MAN1C1: variants seen among roughly 807,000 people sequenced by gnomAD.
MAN1C1 encodes the protein mannosidase alpha class 1C member 1.
A neutral mutation model predicts 71.5 loss-of-function variants in MAN1C1; 49 were observed. The ratio of observed to expected loss-of-function variants is 0.69; its 90% CI spans 0.54 to 0.87. The LOEUF is 0.87. MAN1C1 is among the 40% of genes least tolerant of loss of function. The pLI is 0.00. For synonymous variants in MAN1C1, 352 were observed against 343.7 expected (o/e 1.02, Z -0.27); for missense variants, 743 against 835.0 (o/e 0.89, Z 1.36).
rs1267705062 is a variant in MAN1C1 at position 25,746,495 on chromosome 1, G to A, written c.638-173G>A. ...AAGCAGCCCATGGCGGGGACTCTGG[G>A]TCTCGGCGTCACCTTCGATGGTGGC... is the stretch of plus-strand genomic sequence containing the variant. On this transcript the variant is annotated intron_variant, in intron 2 of 11. Coordinates refer to ENST00000374332, the MANE Select transcript of MAN1C1 (RefSeq NM_020379.4). The surrounding 1 kb of genome is among the most constrained non-coding windows in gnomAD (Gnocchi z 4.0). 6.6e-6 allele frequency among the ~76,000 whole-genome samples: 1 copy of A among 152,188 alleles called. No individual in the cohort carries two copies.
rs1170693936 is a variant in MAN1C1, at chr1:25,775,044, C to T, written c.1258-3061C>T. Among the ~76,000 whole-genome samples, 4 of 152,200 alleles carry T rather than the reference C, an allele frequency of 2.6e-5. No individual in the cohort carries two copies. Among genetic ancestry groups the T allele is most frequent in the Non-Finnish European group, 1.5e-5 (1 of 68,046 alleles). ...TGCAATTACTTAGCTTGGGGCCAAC[C>T]CCCAGTGGAAATAATGTGTGGGAGG... On this transcript the variant is annotated intron_variant, in intron 8 of 11. Coordinates refer to ENST00000374332, the MANE Select transcript of MAN1C1 (RefSeq NM_020379.4). The surrounding 1 kb of genome is among the most constrained non-coding windows in gnomAD (Gnocchi z 5.1).
intron 2 of MAN1C1, among the ~76,000 whole-genome samples, chr1:25,704,654 T>C (rs1370412778): frequency 6.6e-6 from 1 of 152,246 alleles, no homozygotes; most frequent in Non-Finnish European, 1.5e-5. Context: ...GCTTAGACTT[T>C]GCAGTTTTCC....
At chr1:25,713,661 A>T (rs370365880) in intron 2 of MAN1C1, among the ~76,000 whole-genome samples, 53 of 152,250 alleles carry the variant, frequency 3.5e-4, no homozygotes, top group African/African-American at 1.1e-3. Flanking sequence ...CCTGATTCAT[A>T]TGAGGTCTGA....
intron 2 of MAN1C1, among the ~76,000 whole-genome samples, chr1:25,729,602 C>G (rs1301258020): frequency 6.6e-6 from 1 of 151,844 alleles, no homozygotes; most frequent in African/African-American, 2.4e-5. Flanking sequence ...ACCTCTGCCT[C>G]CAGGGTTCAA....
At chr1:25,707,343 TA>T (rs1294032332) in intron 2 of MAN1C1, among the ~76,000 whole-genome samples, 1 of 152,204 alleles carries the variant, frequency 6.6e-6, no homozygotes, top group Non-Finnish European at 1.5e-5. Flanking sequence ...AGAGCCCAGG[TA>T]GGGGGGCTTT....
chr1:25,775,332 G>A lies in MAN1C1; in HGVS notation c.1258-2773G>A, dbSNP rs2047605584. Among the ~76,000 whole-genome samples, 1 of 152,240 alleles carries A rather than the reference G, an allele frequency of 6.6e-6. No individual in the cohort carries two copies. The highest frequency in any genetic ancestry group is 1.9e-4 in the East Asian group (1 of 5,194). ...GGTGTCCTCAGCACTCCCCCATGTG[G>A]AGCAGGTGCCCTGGCATGTCACATT... On this transcript the variant is annotated intron_variant, in intron 8 of 11. Coordinates refer to ENST00000374332, the MANE Select transcript of MAN1C1 (RefSeq NM_020379.4). The surrounding 1 kb of genome is among the most constrained non-coding windows in gnomAD (Gnocchi z 5.1).
chr1:25,638,419 C>A (rs1468120770), intron 1 of MAN1C1, among the ~76,000 whole-genome samples: 1 of 152,132 alleles, frequency 6.6e-6, no homozygotes, highest in African/African-American at 2.4e-5. Flanking sequence ...AGTCAGTTGT[C>A]TTAAATAAAT....
rs1448515929 is a variant in MAN1C1 at position 25,767,652 on chromosome 1, CA to C, written c.1141+3686del. Reference sequence around the variant, plus strand: ...ACACACACACATTACACACTCCCCCCACACACAGACCCACACAGCCACACTC... The same window carrying C: ...ACACACACACATTACACACTCCCCCCCACACAGACCCACACAGCCACACTC... On this transcript the variant is annotated intron_variant, in intron 7 of 11. Coordinates refer to ENST00000374332, the MANE Select transcript of MAN1C1 (RefSeq NM_020379.4). 2.7e-4 allele frequency among the ~76,000 whole-genome samples: 28 copies of C among 104,314 alleles called. No homozygotes were observed. In the East Asian group the frequency reaches 3.6e-3, roughly 14 times the overall value. 68.4% of individuals were successfully genotyped at this position (104,314 alleles called of 152,430 possible).
intron 2 of MAN1C1, among the ~76,000 whole-genome samples, chr1:25,715,886 G>A (rs982276017): frequency 1.3e-5 from 2 of 152,142 alleles, no homozygotes; most frequent in African/African-American, 4.8e-5. Context: ...TTCATTTACA[G>A]GTCCAGGTAG....
intron 1 of MAN1C1, among the ~76,000 whole-genome samples, chr1:25,642,827 A>G (rs998748782): frequency 7.2e-5 from 11 of 152,232 alleles, no homozygotes; most frequent in African/African-American, 2.4e-4. Flanking sequence ...CGCTGGCTGC[A>G]GGAAGCAGTG....
In MAN1C1 at chr1:25,778,278, C is replaced by G. The variant is rs747904398; in HGVS notation, c.1431C>G (p.Leu477=). The G allele has an allele frequency of 1.2e-6, 2 of 1,613,940 alleles. No homozygotes were observed. The highest frequency in any genetic ancestry group is 2.2e-5 in the South Asian group (2 of 91,066). ...AAAAGAGGGCCCACTACCGAGAGCT[C>G]GCAGCCCAGATCACCAAGACGTGTC... ...KEEKRAHYRE[L]AAQITKTCHE... is the part of the protein sequence containing the mutation. Residue 477 remains leucine (L), a synonymous_variant, in exon 9 of 12, where the codon CTC becomes CTG. Coordinates refer to ENST00000374332, the MANE Select transcript of MAN1C1 (RefSeq NM_020379.4). This position sits in a 1 kb window ranked among gnomAD's most constrained non-coding sequence, Gnocchi z 5.5.
chr1:25,678,460 CAA>C (rs1557761487), intron 1 of MAN1C1, among the ~76,000 whole-genome samples: 1 of 152,194 alleles, frequency 6.6e-6, no homozygotes. Flanking sequence ...CGTATTGTCT[CAA>C]AATCGTTAAA....
chr1:25,670,497 AG>A (rs2045979812), intron 1 of MAN1C1, among the ~76,000 whole-genome samples: 2 of 152,208 alleles, frequency 1.3e-5, no homozygotes, highest in African/African-American at 2.4e-5. Flanking sequence ...CTGAGCCTTC[AG>A]GGGGTGGGAA....
chr1:25,702,305 G>C (rs1217630560), intron 2 of MAN1C1, among the ~76,000 whole-genome samples: 1 of 152,124 alleles, frequency 6.6e-6, no homozygotes, highest in Non-Finnish European at 1.5e-5. Flanking sequence ...GGCTTCATCC[G>C]AAGGGCCTTG....
At chr1:25,731,265 G>A (rs1390088095) in intron 2 of MAN1C1, among the ~76,000 whole-genome samples, 2 of 152,194 alleles carry the variant, frequency 1.3e-5, no homozygotes, top group Admixed American at 1.3e-4. Context: ...AGCTGTGATC[G>A]TGCCACTGCA....
intron 1 of MAN1C1, among the ~76,000 whole-genome samples, chr1:25,654,924 C>T (rs965596538): frequency 6.6e-6 from 1 of 152,140 alleles, no homozygotes; most frequent in African/African-American, 2.4e-5. Context: ...GGATTACAGG[C>T]GTGAGCCACC....
rs1228080738 is a variant in MAN1C1 at position 25,674,304 on chromosome 1, G to A, written c.541-12136G>A. The stretch of plus-strand genomic sequence containing the variant: ...CATCCTCCTTAATCCTTTGACATGA[G>A]CAGCCCTAGAGGTTGCCTCGTGTTG... On this transcript the variant is annotated intron_variant, in intron 1 of 11. Transcript: ENST00000374332. Among the ~76,000 whole-genome samples, 3 of 152,148 alleles carry A rather than the reference G, an allele frequency of 2.0e-5. No homozygotes were observed. The East Asian group carries it at 5.8e-4, about 29-fold the overall frequency.
At chr1:25,731,169 G>A (rs1446991149) in intron 2 of MAN1C1, among the ~76,000 whole-genome samples, 2 of 152,186 alleles carry the variant, frequency 1.3e-5, no homozygotes, top group African/African-American at 2.4e-5. Flanking sequence ...AATTAGCCAG[G>A]CGTGGTGGCA....
intron 1 of MAN1C1, among the ~76,000 whole-genome samples, chr1:25,635,420 ATTCTTTTTTCTTTCT>A (rs2045442562): frequency 6.7e-6 from 1 of 148,538 alleles, no homozygotes; most frequent in South Asian, 2.1e-4. Flanking sequence ...TAAGATTCTC[ATTCTTTTTTCTTTCT>A]TTCTTTTTTT....
Sources: allele counts gnomAD v4.1 joint callset (sites outside exome capture counted in the v4.1 genomes callset), GRCh38; gene constraint gnomAD v4.1.1; non-coding constraint Gnocchi (gnomAD v3.1); transcripts MANE v1.5; gene names NCBI Gene and HGNC (gene_info 2026-07-23, HGNC 2026-07-21).